SFMBT1: variants seen among roughly 807,000 people sequenced by gnomAD.
The protein encoded by SFMBT1 is Scm like with four mbt domains 1.
Under a neutral mutation model 108.7 loss-of-function variants are expected in SFMBT1, and 32 were observed. The observed-to-expected ratio is 0.29, with a 90% CI of 0.22 to 0.40. The LOEUF is 0.40. Among genes scored for constraint, SFMBT1 ranks in the 10% least tolerant of loss-of-function variants. The pLI is 1.00. For synonymous variants in SFMBT1, 348 were observed against 369.5 expected, an observed-to-expected ratio of 0.94 and a Z score of 0.67; for missense variants, 816 against 1,059.6, an observed-to-expected ratio of 0.77 and a Z score of 3.19.
intron 2 of SFMBT1, among the ~76,000 whole-genome samples, chr3:52,967,502 T>C (rs1367250349): frequency 6.6e-6 from 1 of 152,164 alleles, no homozygotes; most frequent in Non-Finnish European, 1.5e-5. Flanking sequence ...ACTTTGTGAA[T>C]AGACTAAAAA....
At chr3:52,975,670 C>T (rs771689369) in intron 1 of SFMBT1, among the ~76,000 whole-genome samples, 1 of 152,118 alleles carries the variant, frequency 6.6e-6, no homozygotes, top group Non-Finnish European at 1.5e-5. Context: ...GGCGCAATCC[C>T]GTTTTACTGC....
At chr3:52,929,156 G>T (rs112412119) in intron 8 of SFMBT1, among the ~76,000 whole-genome samples, 1 of 152,312 alleles carries the variant, frequency 6.6e-6, no homozygotes, top group East Asian at 1.9e-4. Context: ...TCTAAGCTTA[G>T]TGACAAACTT....
At chr3:53,012,615 G>A (rs1463966262) in intron 1 of SFMBT1, among the ~76,000 whole-genome samples, 1 of 151,286 alleles carries the variant, frequency 6.6e-6, no homozygotes, top group Non-Finnish European at 1.5e-5. Context: ...TGTTAGCCAG[G>A]ATGGTCTCGA....
intron 13 of SFMBT1, among the ~76,000 whole-genome samples, chr3:52,917,431 A>G (rs1702393150): frequency 6.6e-6 from 1 of 152,162 alleles, no homozygotes; most frequent in Non-Finnish European, 1.5e-5. Context: ...TCCACCATGC[A>G]AGGACACAGC....
chr3:53,002,867 A>C (rs1005157448), intron 1 of SFMBT1, among the ~76,000 whole-genome samples: 5 of 150,388 alleles, frequency 3.3e-5, no homozygotes, highest in African/African-American at 1.2e-4. Context: ...GAAGATGTCT[A>C]GTTATTGGGT....
chr3:52,981,220 G>A (rs1391698929), intron 1 of SFMBT1, among the ~76,000 whole-genome samples: 1 of 151,844 alleles, frequency 6.6e-6, no homozygotes, highest in Admixed American at 6.6e-5. Context: ...TGCCAGCAAA[G>A]GATGGTTTGA....
chr3:52,928,671 TACACACACAC>T (rs1301624750), intron 8 of SFMBT1, among the ~76,000 whole-genome samples: 1 of 138,358 alleles, frequency 7.2e-6, no homozygotes, highest in African/African-American at 2.6e-5. Flanking sequence ...TATACATATA[TACACACACAC>T]ACATATATAT....
intron 16 of SFMBT1, 24 bp from the exon 17 acceptor site, chr3:52,911,202 C>T (rs971936523): frequency 6.4e-7 from 1 of 1,573,734 alleles, no homozygotes; most frequent in Non-Finnish European, 8.6e-7. Flanking sequence ...ACATCAGATG[C>T]CAAATATATT....
In SFMBT1 at chr3:53,001,793, G is replaced by A. The variant is rs143996981; in HGVS notation, c.-130-32535C>T. Among the ~76,000 whole-genome samples, 1,829 of 148,586 alleles carry A rather than the reference G, an allele frequency of 0.012. 193 individuals carry two copies. The South Asian group carries it at 0.18, about 14-fold the overall frequency. On this transcript the variant is annotated intron_variant, in intron 1 of 20. Coordinates refer to ENST00000394752, the MANE Select transcript of SFMBT1 (RefSeq NM_016329.4). ...TGTAAAAAATTTGCCAGGCATGGTG[G>A]CTCATGACTGTGGTCCCAACTACCT...
At chr3:53,024,078 T>A (rs1437901285) in intron 1 of SFMBT1, among the ~76,000 whole-genome samples, 1 of 152,052 alleles carries the variant, frequency 6.6e-6, no homozygotes, top group Non-Finnish European at 1.5e-5. Context: ...ATACTCAGGA[T>A]AAATAAATAA....
intron 16 of SFMBT1, among the ~76,000 whole-genome samples, chr3:52,912,123 CT>C (rs1317086434): frequency 1.3e-5 from 2 of 152,166 alleles, no homozygotes; most frequent in Non-Finnish European, 2.9e-5. Context: ...TGAAAAAGCC[CT>C]GCCTAAGGAA....
rs188661685 is a variant in SFMBT1, at chr3:53,000,743, A to T, written c.-130-31485T>A. Reference sequence around the variant, plus strand: ...TTGGAAGAAATTTACAAAAACTAAAACATGCCTAATGCATGTCCTTTGACC... The same window carrying T: ...TTGGAAGAAATTTACAAAAACTAAATCATGCCTAATGCATGTCCTTTGACC... On this transcript the variant is annotated intron_variant, in intron 1 of 20. Transcript: ENST00000394752. Among the ~76,000 whole-genome samples, 336 of 150,102 alleles carry T rather than the reference A, an allele frequency of 2.2e-3. 11 individuals are homozygous for T. The highest frequency in any genetic ancestry group is 7.8e-3 in the African/African-American group (323 of 41,222).
chr3:52,980,411 T>A (rs1457296322), intron 1 of SFMBT1, among the ~76,000 whole-genome samples: 1 of 152,106 alleles, frequency 6.6e-6, no homozygotes, highest in African/African-American at 2.4e-5. Context: ...AATATCACAA[T>A]AAAAAGTGAT....
At chr3:52,924,130 G>A (rs1702592223) in intron 10 of SFMBT1, among the ~76,000 whole-genome samples, 1 of 152,188 alleles carries the variant, frequency 6.6e-6, no homozygotes, top group South Asian at 2.1e-4. Context: ...TATGAAGCAA[G>A]TCAGTAGAGT....
At chr3:52,949,600 C>T (rs1369840518) in intron 3 of SFMBT1, among the ~76,000 whole-genome samples, 1 of 91,630 alleles carries the variant, frequency 1.1e-5, no homozygotes, top group Non-Finnish European at 2.0e-5. Flanking sequence ...TTTTTTGAGA[C>T]CGAGTTTCAC....
At chr3:52,916,260 C>A (rs1575369873) in intron 13 of SFMBT1, 46 bp from the exon 14 acceptor site, 1 of 1,552,014 alleles carries the variant, frequency 6.4e-7, no homozygotes, top group South Asian at 1.1e-5. Flanking sequence ...TTCTTAAGAT[C>A]AGTAAAGTGT....
chr3:52,943,310 A>G (rs773503421), intron 4 of SFMBT1, 43 bp downstream of exon 4: 1 of 1,612,352 alleles, frequency 6.2e-7, no homozygotes, highest in South Asian at 1.1e-5. Context: ...AAATTTTCTT[A>G]CAGTAAAATC....
intron 1 of SFMBT1, among the ~76,000 whole-genome samples, chr3:53,045,506 G>A (rs990039803): frequency 3.7e-4 from 53 of 143,680 alleles, no homozygotes; most frequent in Admixed American, 8.2e-4. Context: ...GCCAGGGGCT[G>A]ACGGCCGCCG....
intron 1 of SFMBT1, among the ~76,000 whole-genome samples, chr3:53,030,933 C>T (rs1699663208): frequency 6.6e-6 from 1 of 152,164 alleles, no homozygotes; most frequent in Admixed American, 6.6e-5. Flanking sequence ...TCACTCCAGT[C>T]AAGCATCAGT....
Sources: allele counts gnomAD v4.1 joint callset (sites outside exome capture counted in the v4.1 genomes callset), GRCh38; gene constraint gnomAD v4.1.1; transcripts MANE v1.5; gene names NCBI Gene and HGNC (gene_info 2026-07-23, HGNC 2026-07-21).